The following TMEM50B variants were observed in gnomAD, a reference collection of about 807,000 sequenced individuals.
TMEM50B encodes HCV p7-trans-regulated protein 3.
A neutral mutation model predicts 23.4 loss-of-function variants in TMEM50B; 14 were observed. The ratio of observed to expected loss-of-function variants is 0.60; its 90% CI spans 0.39 to 0.93. TMEM50B has a LOEUF of 0.93. Ranked by LOEUF, TMEM50B falls within the 40% of genes least tolerant of loss-of-function variation. The pLI is 0.00. For synonymous variants in TMEM50B, 64 were observed against 62.3 expected (o/e 1.03, Z -0.13); for missense variants, 159 against 193.0 (o/e 0.82, Z 1.04).
chr21:33,465,173 A>T (rs960338215), intron 4 of TMEM50B, 169 bp downstream of exon 4: 10 of 508,498 alleles, frequency 2.0e-5, no homozygotes, highest in South Asian at 1.2e-4. Flanking sequence ...TCTAGCAATA[A>T]CTTACTTTCT....
chr21:33,475,644 G>A (rs556731082), intron 1 of TMEM50B, among the ~76,000 whole-genome samples: 2 of 151,026 alleles, frequency 1.3e-5, no homozygotes, highest in South Asian at 2.2e-4. Flanking sequence ...CCGCGCCCAG[G>A]AAGAAATTAC....
chr21:33,448,746 A>G (rs996420005), downstream of TMEM50B: 3 of 150,774 alleles, frequency 2.0e-5, no homozygotes, highest in African/African-American at 2.4e-5. Context: ...CTCCCAAAAC[A>G]TTTTTTTTTA....
exon 9 of TMEM50B, chr21:33,432,698 C>T (rs776462360): frequency 3.1e-6 from 5 of 1,613,570 alleles, no homozygotes; most frequent in Non-Finnish European, 4.2e-6. Flanking sequence ...TGTTCACTTT[C>T]GTGTCCTCTT....
Position 33,465,333 on chromosome 21 carries a change from T to C in TMEM50B, c.280+9A>G. 2.5e-6 allele frequency: 4 copies of C among 1,610,658 alleles called. No individual in the cohort carries two copies. The highest frequency in any genetic ancestry group is 2.7e-5 in the African/African-American group (2 of 74,984). ...GTCAACACCCATTAACAGCTCAAAG[T>C]ATCTTTACCTGTTCTTCCTAAACAG... On this transcript the variant is annotated intron_variant, in intron 4 of 6. Coordinates refer to ENST00000542230, the MANE Select transcript of TMEM50B (RefSeq NM_006134.7).
chr21:33,465,487 G>A (rs966788046), intron 3 of TMEM50B, 78 bp from the exon 4 acceptor site: 15 of 1,045,334 alleles, frequency 1.4e-5, no homozygotes, highest in African/African-American at 4.9e-5. Context: ...ACACTTAGAC[G>A]GAAAACAGAT....
chr21:33,450,996 G>A, intron 6 of TMEM50B, 133 bp from the exon 7 acceptor site: 1 of 678,990 alleles, frequency 1.5e-6, no homozygotes, highest in South Asian at 2.2e-5. Flanking sequence ...AGACATCATG[G>A]CAGTGTTGGT....
chr21:33,478,676 T>C (rs1420051638), intron 1 of TMEM50B: 1 of 444,564 alleles, frequency 2.2e-6, no homozygotes, highest in African/African-American at 2.0e-5. Flanking sequence ...TAAACCTGCT[T>C]TTCCAGCGCG....
intron 1 of TMEM50B, among the ~76,000 whole-genome samples, chr21:33,476,423 T>C (rs1339496583): frequency 6.6e-6 from 1 of 152,102 alleles, no homozygotes; most frequent in Non-Finnish European, 1.5e-5. Flanking sequence ...TAGAAATGCA[T>C]TTAATTCAAA....
chr21:33,440,282 ATATT>A (rs2083996314), intron 7 of TMEM50B, among the ~76,000 whole-genome samples: 1 of 152,068 alleles, frequency 6.6e-6, no homozygotes, highest in Non-Finnish European at 1.5e-5. Flanking sequence ...CTGTTCATAA[ATATT>A]TATTAGAACC....
At chr21:33,468,034 T>C (rs1333999189) in intron 2 of TMEM50B, among the ~76,000 whole-genome samples, 1 of 145,708 alleles carries the variant, frequency 6.9e-6, no homozygotes, top group Non-Finnish European at 1.5e-5. Context: ...TGTACTCTAG[T>C]AGCTGTACAA....
intron 5 of TMEM50B, among the ~76,000 whole-genome samples, chr21:33,457,418 G>C (rs1273052139): frequency 6.6e-6 from 1 of 152,082 alleles, no homozygotes; most frequent in Non-Finnish European, 1.5e-5. Context: ...GGGAGGCCAA[G>C]GTGGGTAGAT....
intron 1 of TMEM50B, chr21:33,479,457 C>T (rs2084406293): frequency 6.6e-6 from 1 of 152,274 alleles, no homozygotes; most frequent in South Asian, 2.1e-4. Flanking sequence ...GCAGGGCGTC[C>T]CGAAAACCGT....
intron 4 of TMEM50B, among the ~76,000 whole-genome samples, chr21:33,464,194 G>A (rs2084242733): frequency 7.6e-6 from 1 of 132,000 alleles, no homozygotes; most frequent in Non-Finnish European, 1.7e-5. Flanking sequence ...ATATTATAAT[G>A]TAAATTTTTT....
chr21:33,441,182 A>G (rs2084005697), intron 7 of TMEM50B, among the ~76,000 whole-genome samples: 1 of 152,066 alleles, frequency 6.6e-6, no homozygotes. Context: ...GTGAGCCCAG[A>G]TGACACCACT....
downstream of TMEM50B, among the ~76,000 whole-genome samples, chr21:33,447,340 T>TAGTCCTATCTACTC (rs11273486): frequency 6.6e-6 from 1 of 151,162 alleles, no homozygotes; most frequent in Non-Finnish European, 1.5e-5. Context: ...TGCACACCTA[T>TAGTCCTATCTACTC]AGTAGACTGA....
chr21:33,478,687 A>G, intron 1 of TMEM50B: 1 of 452,498 alleles, frequency 2.2e-6, no homozygotes. Context: ...TTCCAGCGCG[A>G]TAAATATTCA....
chr21:33,444,098 A>T (rs2084031844), intron 7 of TMEM50B, among the ~76,000 whole-genome samples: 1 of 152,042 alleles, frequency 6.6e-6, no homozygotes, highest in African/African-American at 2.4e-5. Context: ...ATGGGATTTC[A>T]CCATGTTGGC....
intron 7 of TMEM50B, among the ~76,000 whole-genome samples, chr21:33,440,691 G>A (rs1285030355): frequency 6.6e-6 from 1 of 151,248 alleles, no homozygotes; most frequent in African/African-American, 2.4e-5. Context: ...AGACCAGCCT[G>A]ACCAACATGG....
chr21:33,438,160 C>G (rs2083975860), intron 8 of TMEM50B, among the ~76,000 whole-genome samples: 1 of 151,882 alleles, frequency 6.6e-6, no homozygotes, highest in East Asian at 1.9e-4. Flanking sequence ...GGTGCACACC[C>G]GTAGTCCCAG....
Sources: allele counts gnomAD v4.1 joint callset (sites outside exome capture counted in the v4.1 genomes callset), GRCh38; gene constraint gnomAD v4.1.1; transcripts MANE v1.5; gene names NCBI Gene and HGNC (gene_info 2026-07-23, HGNC 2026-07-21).